The following TAB2 variants were observed in gnomAD, a reference collection of about 807,000 sequenced individuals.
TAB2 encodes the protein TGF-beta-activated kinase 1 and MAP3K7-binding protein 2.
A neutral mutation model predicts 65.0 loss-of-function variants in TAB2; 3 were observed. The ratio of observed to expected loss-of-function variants is 0.05; its 90% CI spans 0.02 to 0.12. The LOEUF is 0.12. Among genes scored for constraint, TAB2 ranks in the 10% least tolerant of loss-of-function variants. The pLI, the probability that TAB2 is intolerant of heterozygous loss-of-function variation, is 1.00. For missense variants in TAB2, 623 were observed against 840.3 expected (o/e 0.74, Z 3.20); for synonymous variants, 298 against 285.1 (o/e 1.05, Z -0.46).
upstream of TAB2, among the ~76,000 whole-genome samples, chr6:149,315,942 A>T (rs1389809412): frequency 1.3e-5 from 2 of 152,218 alleles, no homozygotes; most frequent in Admixed American, 6.5e-5. Context: ...AAATTTTTTT[A>T]AAAATTTGCA....
chr6:149,309,199 A>G (rs576227), intron 1 of TAB2, among the ~76,000 whole-genome samples: 67,534 of 151,814 alleles, frequency 0.44, 15,507 homozygotes, highest in African/African-American at 0.58. Flanking sequence ...TATACTTCAC[A>G]TATCAAGATT....
intron 1 of TAB2, among the ~76,000 whole-genome samples, chr6:149,254,675 C>G (rs1341753959): frequency 6.6e-6 from 1 of 152,162 alleles, no homozygotes; most frequent in Non-Finnish European, 1.5e-5. Flanking sequence ...CTCACTTTTC[C>G]CCATGATATC....
At chr6:149,350,980 C>A (rs1780472144) in intron 1 of TAB2, among the ~76,000 whole-genome samples, 1 of 152,156 alleles carries the variant, frequency 6.6e-6, no homozygotes, top group Non-Finnish European at 1.5e-5. Context: ...TAACTACCCC[C>A]ATCCTGAGTA....
chr6:149,331,174 G>A (rs993746038), intron 1 of TAB2, among the ~76,000 whole-genome samples: 1 of 151,988 alleles, frequency 6.6e-6, no homozygotes, highest in Admixed American at 6.6e-5. Flanking sequence ...TTATTTTGTT[G>A]AGTCTTCAAT....
At chr6:149,275,240 GAAAGAAAGAA>G (rs1562396936) in intron 1 of TAB2, among the ~76,000 whole-genome samples, 49 of 81,860 alleles carry the variant, frequency 6.0e-4, no homozygotes, top group East Asian at 2.7e-3. Flanking sequence ...GAGAGAGAAA[GAAAGAAAGAA>G]AGAAAGAAAG....
At chr6:149,264,149 G>A (rs1345355475) in intron 1 of TAB2, among the ~76,000 whole-genome samples, 1 of 152,210 alleles carries the variant, frequency 6.6e-6, no homozygotes, top group African/African-American at 2.4e-5. Context: ...TGAACAAGGA[G>A]GAGTCACGTT....
intron 1 of TAB2, among the ~76,000 whole-genome samples, chr6:149,325,193 T>A (rs929396038): frequency 6.6e-6 from 1 of 152,222 alleles, no homozygotes; most frequent in African/African-American, 2.4e-5. Context: ...TTGCTGACTA[T>A]AGCTATGTGA....
intron 1 of TAB2, among the ~76,000 whole-genome samples, chr6:149,258,764 G>A (rs1303361568): frequency 6.6e-6 from 1 of 152,152 alleles, no homozygotes; most frequent in Non-Finnish European, 1.5e-5. Context: ...CTAATCACCA[G>A]AACGTGTGAA....
chr6:149,316,843 T>C (rs545656), upstream of TAB2, among the ~76,000 whole-genome samples: 61,986 of 151,910 alleles, frequency 0.41, 12,703 homozygotes, highest in East Asian at 0.47. Flanking sequence ...GCCGACACTT[T>C]TTCCAAGTCT....
At chr6:149,401,625 C>T (rs1583162461) in intron 6 of TAB2, among the ~76,000 whole-genome samples, 1 of 151,982 alleles carries the variant, frequency 6.6e-6, no homozygotes, top group Non-Finnish European at 1.5e-5. Flanking sequence ...ACCCCCCTTA[C>T]AATAATAGAA....
rs1782814313 is a variant in TAB2 at position 149,410,486 on chromosome 6, C to T, written c.*767C>T. On this transcript the variant is annotated 3_prime_UTR_variant, in exon 7 of 7. Transcript: ENST00000637181. ...TTTCCTTTTAGTAATTAAGCACGAT[C>T]ATGTCCCTTTTTAAGCCTTACCTGA... 1 of 152,612 alleles carries T rather than the reference C, an allele frequency of 6.6e-6. No homozygotes were observed. The highest frequency in any genetic ancestry group is 2.4e-5 in the African/African-American group (1 of 41,428). 9.5% of individuals were successfully genotyped at this position (152,612 alleles called of 1,614,324 possible). A position where few individuals can be genotyped will look rare whatever the true frequency, so the allele number is the denominator to read the frequency against.
At chr6:149,265,893 CT>C (rs1334809020) in intron 1 of TAB2, among the ~76,000 whole-genome samples, 7 of 152,192 alleles carry the variant, frequency 4.6e-5, no homozygotes, top group Non-Finnish European at 7.4e-5. Flanking sequence ...GAGGTTGCCC[CT>C]GAGCGAGGAA....
intron 1 of TAB2, among the ~76,000 whole-genome samples, chr6:149,318,375 C>T (rs1779327006): frequency 6.6e-6 from 1 of 151,968 alleles, no homozygotes; most frequent in African/African-American, 2.4e-5. Context: ...GTCGGCGCCC[C>T]TGACCCGCCC....
intron 1 of TAB2, among the ~76,000 whole-genome samples, chr6:149,294,206 T>C (rs553482650): frequency 6.6e-6 from 1 of 152,258 alleles, no homozygotes; most frequent in East Asian, 1.9e-4. Flanking sequence ...AGGCTGGAAG[T>C]CTGAGATCAA....
At chr6:149,255,897 G>A (rs1313108656) in intron 1 of TAB2, among the ~76,000 whole-genome samples, 1 of 152,166 alleles carries the variant, frequency 6.6e-6, no homozygotes, top group Non-Finnish European at 1.5e-5. Context: ...ATACAACTGA[G>A]TCCTCCTCAA....
At chr6:149,320,906 C>G (rs983041180) in intron 1 of TAB2, 2 of 152,156 alleles carry the variant, frequency 1.3e-5, no homozygotes, top group African/African-American at 4.8e-5. Flanking sequence ...CTTTGTTTCA[C>G]TTATGTCATC....
chr6:149,355,464 G>A (rs11155644), intron 1 of TAB2, among the ~76,000 whole-genome samples: 13 of 151,808 alleles, frequency 8.6e-5, no homozygotes, highest in Non-Finnish European at 1.3e-4. Flanking sequence ...TCAGGAGTTC[G>A]AGACCAGCCT....
upstream of TAB2, among the ~76,000 whole-genome samples, chr6:149,317,035 C>G (rs1779271775): frequency 6.7e-6 from 1 of 150,240 alleles, no homozygotes; most frequent in Non-Finnish European, 1.5e-5. This position sits in a 1 kb window ranked among gnomAD's most constrained non-coding sequence, Gnocchi z 4.7. Context: ...CCGCAGCGCC[C>G]CGGGGTCCGG....
At chr6:149,240,888 G>T (rs988913609) in intron 1 of TAB2, among the ~76,000 whole-genome samples, 2 of 152,160 alleles carry the variant, frequency 1.3e-5, no homozygotes, top group Non-Finnish European at 2.9e-5. Flanking sequence ...AAATGCATAT[G>T]TTGAAGCCCT....
Sources: allele counts gnomAD v4.1 joint callset (sites outside exome capture counted in the v4.1 genomes callset), GRCh38; gene constraint gnomAD v4.1.1; non-coding constraint Gnocchi (gnomAD v3.1); transcripts MANE v1.5; gene names NCBI Gene and HGNC (gene_info 2026-07-23, HGNC 2026-07-21).